HPSE2: variants seen among roughly 807,000 people sequenced by gnomAD.
The protein encoded by HPSE2 is heparanase 2 (inactive), also known as inactive heparanase-2.
Under a neutral mutation model 60.5 loss-of-function variants are expected in HPSE2, and 38 were observed. That is an observed-to-expected ratio of 0.63 (90% confidence interval 0.48 to 0.82). The LOEUF is 0.82. Among genes scored for constraint, HPSE2 ranks in the 40% least tolerant of loss-of-function variants. The pLI, the probability that HPSE2 is intolerant of heterozygous loss-of-function variation, is 0.00. For missense variants in HPSE2, 713 were observed against 740.4 expected, an observed-to-expected ratio of 0.96 and a Z score of 0.43; for synonymous variants, 295 against 293.2, an observed-to-expected ratio of 1.01 and a Z score of -0.06.
chr10:98,814,230 A>T (rs115182854), intron 3 of HPSE2, among the ~76,000 whole-genome samples: 3,057 of 151,758 alleles, frequency 0.02, 99 homozygotes, highest in African/African-American at 0.07. Context: ...AAAAAAATTT[A>T]AAATATTTTA....
At chr10:98,495,016 T>C (rs922163313) in intron 9 of HPSE2, among the ~76,000 whole-genome samples, 4 of 152,190 alleles carry the variant, frequency 2.6e-5, no homozygotes, top group Non-Finnish European at 4.4e-5. Context: ...CTGTCTAGTA[T>C]ACTTTCATTG....
intron 3 of HPSE2, among the ~76,000 whole-genome samples, chr10:99,006,826 C>A (rs1426581011): frequency 1.3e-5 from 2 of 151,698 alleles, no homozygotes; most frequent in Non-Finnish European, 2.9e-5. Context: ...TCGGGGCAGC[C>A]ACAAGTCCTA....
At chr10:99,200,415 C>T (rs189729790) in intron 2 of HPSE2, among the ~76,000 whole-genome samples, 1 of 152,062 alleles carries the variant, frequency 6.6e-6, no homozygotes, top group African/African-American at 2.4e-5. Context: ...TGAAGAGGTA[C>T]CTGGAAGTGT....
At position 98,940,566 on chromosome 10, in the gene HPSE2, G is replaced by C. The variant is rs1430372250; in HGVS notation, c.611-196510C>G. On this transcript the variant is annotated intron_variant, in intron 3 of 11. Transcript: ENST00000370552. Reference sequence around the variant, plus strand: ...TGAATCTCTGAATAGACCAATAACAGGCTCTGAAATTGTGGCAATAATCAA... The same window carrying C: ...TGAATCTCTGAATAGACCAATAACACGCTCTGAAATTGTGGCAATAATCAA... Among the ~76,000 whole-genome samples, 7 of 142,290 alleles carry C rather than the reference G, an allele frequency of 4.9e-5. 2 individuals are homozygous for C. The highest frequency in any genetic ancestry group is 1.7e-4 in the African/African-American group (6 of 34,484). 93.3% of individuals were successfully genotyped at this position (142,290 alleles called of 152,430 possible).
chr10:99,033,674 T>C (rs955589044), intron 3 of HPSE2, among the ~76,000 whole-genome samples: 7 of 151,892 alleles, frequency 4.6e-5, no homozygotes, highest in Non-Finnish European at 1.0e-4. Flanking sequence ...TCCCAGCTAT[T>C]CAGGAGGCTG....
At chr10:99,176,302 G>A (rs1380105591) in intron 2 of HPSE2, among the ~76,000 whole-genome samples, 2 of 152,124 alleles carry the variant, frequency 1.3e-5, no homozygotes, top group African/African-American at 2.4e-5. Context: ...AGCTTCAGAA[G>A]GTGGGTAATA....
the HPSE2 span, among the ~76,000 whole-genome samples, chr10:99,261,719 T>C: frequency 1.3e-5 from 2 of 152,102 alleles, no homozygotes; most frequent in Non-Finnish European, 2.9e-5. Context: ...ACCTTCAAGA[T>C]GTACAATAAT....
At chr10:99,188,133 G>A (rs945501617) in intron 2 of HPSE2, among the ~76,000 whole-genome samples, 1 of 152,144 alleles carries the variant, frequency 6.6e-6, no homozygotes, top group Non-Finnish European at 1.5e-5. Context: ...TGAGGGACAA[G>A]TGTATATATA....
At chr10:98,513,900 T>C (rs1333720455) in intron 9 of HPSE2, among the ~76,000 whole-genome samples, 1 of 152,094 alleles carries the variant, frequency 6.6e-6, no homozygotes. Context: ...ATTCCACTCC[T>C]AGGCATATAC....
At chr10:98,617,065 T>C (rs1377536375) in intron 8 of HPSE2, among the ~76,000 whole-genome samples, 1 of 152,210 alleles carries the variant, frequency 6.6e-6, no homozygotes, top group Non-Finnish European at 1.5e-5. Context: ...ATTGTCTTAT[T>C]CAACTTTCCA....
intron 3 of HPSE2, among the ~76,000 whole-genome samples, chr10:99,066,644 C>G (rs1440569090): frequency 6.6e-6 from 1 of 152,140 alleles, no homozygotes; most frequent in Non-Finnish European, 1.5e-5. Flanking sequence ...ACCATGAGAA[C>G]AGTATGGGGG....
chr10:98,843,558 G>A (rs1951968191), intron 3 of HPSE2, among the ~76,000 whole-genome samples: 1 of 152,126 alleles, frequency 6.6e-6, no homozygotes, highest in Non-Finnish European at 1.5e-5. Context: ...CAATAATTAA[G>A]CTACAACATA....
intron 2 of HPSE2, among the ~76,000 whole-genome samples, chr10:99,153,937 G>A (rs1317806560): frequency 3.3e-5 from 5 of 152,014 alleles, no homozygotes; most frequent in African/African-American, 4.8e-5. Context: ...ACCAAGGCTC[G>A]AGAACTACGT....
chr10:99,232,198 A>G (rs1849666588), intron 2 of HPSE2, 150 bp downstream of exon 2: 2 of 1,026,430 alleles, frequency 1.9e-6, no homozygotes, highest in Non-Finnish European at 1.4e-6. Context: ...AATCTGCCCC[A>G]ACGCGCGCGC....
At chr10:99,255,314 T>G in the HPSE2 span, among the ~76,000 whole-genome samples, 1 of 152,168 alleles carries the variant, frequency 6.6e-6, no homozygotes, top group South Asian at 2.1e-4. Flanking sequence ...AGTATTAGTT[T>G]TATACAAACT....
intron 2 of HPSE2, among the ~76,000 whole-genome samples, chr10:99,169,955 C>T (rs1424541575): frequency 1.3e-5 from 2 of 152,124 alleles, no homozygotes; most frequent in Non-Finnish European, 2.9e-5. Flanking sequence ...CAAAATATGA[C>T]TCTGATACCA....
chr10:98,714,677 T>C (rs1354177496), intron 5 of HPSE2, among the ~76,000 whole-genome samples: 2 of 151,948 alleles, frequency 1.3e-5, no homozygotes, highest in East Asian at 1.9e-4. Flanking sequence ...CAAGTTTTTG[T>C]GTGGATATAT....
chr10:98,995,036 C>T (rs1479914658), intron 3 of HPSE2, among the ~76,000 whole-genome samples: 3 of 152,168 alleles, frequency 2.0e-5, no homozygotes, highest in Admixed American at 2.0e-4. Flanking sequence ...ATCACTGTTT[C>T]CCCATGTCCA....
At chr10:99,105,552 C>G (rs1844211723) in intron 3 of HPSE2, among the ~76,000 whole-genome samples, 1 of 149,386 alleles carries the variant, frequency 6.7e-6, no homozygotes, top group South Asian at 2.1e-4. Flanking sequence ...ATATAATATG[C>G]AATTTTTTGT....
Sources: gnomAD v4.1 joint callset for allele counts (sites outside exome capture counted in the v4.1 genomes callset) on GRCh38, gnomAD v4.1.1 for gene constraint, MANE v1.5 for transcripts, NCBI Gene and HGNC (gene_info 2026-07-23, HGNC 2026-07-21) for gene names.